The following PFKFB3 variants were observed in gnomAD, a reference collection of about 807,000 sequenced individuals.
PFKFB3 encodes the protein 6-phosphofructo-2-kinase/fructose-2,6-biphosphatase 3.
PFKFB3 carries 33 observed loss-of-function variants against 68.0 expected under a neutral mutation model. That is an observed-to-expected ratio of 0.49 (90% CI 0.37 to 0.65). The LOEUF (loss-of-function observed/expected upper bound fraction) is 0.65. PFKFB3 is among the 30% of genes least tolerant of loss of function. PFKFB3 has a pLI of 0.00. For missense variants in PFKFB3, 586 were observed against 712.2 expected, an observed-to-expected ratio of 0.82 and a Z score of 2.02; for synonymous variants, 315 against 288.2, an observed-to-expected ratio of 1.09 and a Z score of -0.94.
the PFKFB3 span, among the ~76,000 whole-genome samples, chr10:6,315,669 A>G: frequency 0.12 from 18,476 of 152,176 alleles, 1,236 homozygotes; most frequent in East Asian, 0.19. Context: ...TATTTTAAGT[A>G]GAGACAGAGT....
intron 14 of PFKFB3, among the ~76,000 whole-genome samples, chr10:6,249,453 C>A (rs1199636563): frequency 6.6e-6 from 1 of 151,980 alleles, no homozygotes; most frequent in Non-Finnish European, 1.5e-5. Context: ...AAGTGTTCAG[C>A]AACATATGAA....
At position 6,228,163 on chromosome 10, in the gene PFKFB3, T is replaced by C. The variant is rs780415300; in HGVS notation, c.1515+1798T>C. On this transcript the variant is annotated intron_variant, in intron 14 of 14. Transcript: ENST00000379775. The surrounding 1 kb of genome is among the most constrained non-coding windows in gnomAD (Gnocchi z 4.5). ...TCCCTGCAGATTGCGCCCTGCCTCCTGACTGACTTCTCTCTCTGCTTCTCC... is the reference window on the plus strand; with the variant it reads ...TCCCTGCAGATTGCGCCCTGCCTCCCGACTGACTTCTCTCTCTGCTTCTCC... 3 of 1,612,690 alleles carry C rather than the reference T, an allele frequency of 1.9e-6. No individual in the cohort carries two copies. In the South Asian group the frequency reaches 3.3e-5, roughly 18 times the overall value.
the PFKFB3 span, among the ~76,000 whole-genome samples, chr10:6,291,892 A>G: frequency 6.6e-6 from 1 of 151,170 alleles, no homozygotes; most frequent in Non-Finnish European, 1.5e-5. Flanking sequence ...AATCATCACC[A>G]TCTCTTACAA....
chr10:6,325,272 A>G, the PFKFB3 span, among the ~76,000 whole-genome samples: 2 of 152,212 alleles, frequency 1.3e-5, no homozygotes, highest in Non-Finnish European at 1.5e-5. Context: ...CCTGGCATAC[A>G]ATTTTTAAAA....
At chr10:6,281,182 T>TATATATATATATATATATAC in the PFKFB3 span, among the ~76,000 whole-genome samples, 5 of 133,688 alleles carry the variant, frequency 3.7e-5, no homozygotes, top group Admixed American at 1.5e-4. Context: ...TATATATATA[T>TATATATATATATATATATAC]ACACCACAGT....
the PFKFB3 span, among the ~76,000 whole-genome samples, chr10:6,318,285 T>C: frequency 6.6e-6 from 1 of 152,214 alleles, no homozygotes; most frequent in Non-Finnish European, 1.5e-5. Context: ...TCACTGTAAC[T>C]GGCTCCTCCG....
At chr10:6,171,307 A>G (rs145415015) in intron 1 of PFKFB3, among the ~76,000 whole-genome samples, 1,646 of 152,178 alleles carry the variant, frequency 0.011, 66 homozygotes, top group East Asian at 0.1. Flanking sequence ...CACCCGCCTC[A>G]GCCTCCCAAA....
In PFKFB3 at chr10:6,203,247, G is replaced by T; in HGVS notation, c.-14G>T. On this transcript the variant is annotated 5_prime_UTR_variant, in exon 1 of 15. Transcript: ENST00000379775. ...TCGGCCCCGGGAGGCGGGCCGTCGG[G>T]CGCAGCCGCGAAGATGCCGTTGGAA... is the stretch of plus-strand genomic sequence containing the variant. 1 of 1,606,144 alleles carries T rather than the reference G, an allele frequency of 6.2e-7. No homozygotes were observed. The highest frequency in any genetic ancestry group is 8.5e-7 in the Non-Finnish European group (1 of 1,177,118).
In PFKFB3 at chr10:6,235,159, C is replaced by T. The variant is rs1260123191; in HGVS notation, c.*2217C>T. On this transcript the variant is annotated 3_prime_UTR_variant, in exon 15 of 15. Transcript: ENST00000379775. ...TGTTTTTGGGTGAGTTTCCCCCCTC[C>T]TTATTCTGTCCTGAGACCACGGGCA... 2.0e-5 allele frequency: 3 copies of T among 152,738 alleles called. No individual in the cohort carries two copies. The Admixed American group carries it at 2.0e-4, about 10-fold the overall frequency. 9.5% of individuals were successfully genotyped at this position (152,738 alleles called of 1,614,324 possible).
At chr10:6,265,338 C>G in the PFKFB3 span, among the ~76,000 whole-genome samples, 1 of 152,136 alleles carries the variant, frequency 6.6e-6, no homozygotes, top group Non-Finnish European at 1.5e-5. Context: ...GCCTCAACCT[C>G]CCAAAGTGCT....
At chr10:6,219,529 T>A in intron 6 of PFKFB3, 40 bp from the exon 7 acceptor site, 1 of 1,613,166 alleles carries the variant, frequency 6.2e-7, no homozygotes, top group Non-Finnish European at 8.5e-7. Context: ...CAGAAAGCCT[T>A]CCAGCGTGAT....
intron 14 of PFKFB3, among the ~76,000 whole-genome samples, chr10:6,252,611 T>C (rs1207677373): frequency 6.6e-6 from 1 of 152,238 alleles, no homozygotes; most frequent in Non-Finnish European, 1.5e-5. Flanking sequence ...ATATCTGATA[T>C]AGCTTAAATG....
intron 1 of PFKFB3, among the ~76,000 whole-genome samples, chr10:6,155,673 C>A (rs1184954889): frequency 6.6e-6 from 1 of 152,068 alleles, no homozygotes; most frequent in Admixed American, 6.6e-5. Flanking sequence ...ACCTGCTGAC[C>A]GGGTTCACTT....
intron 1 of PFKFB3, among the ~76,000 whole-genome samples, chr10:6,184,525 C>T (rs1050367172): frequency 6.6e-6 from 1 of 152,108 alleles, no homozygotes; most frequent in African/African-American, 2.4e-5. Flanking sequence ...GGCTGGAGTG[C>T]AATGGTGTGA....
At chr10:6,258,535 T>A (rs1846511609), downstream of PFKFB3, among the ~76,000 whole-genome samples, 1 of 152,148 alleles carries the variant, frequency 6.6e-6, no homozygotes, top group African/African-American at 2.4e-5. Flanking sequence ...CACTCTGAAG[T>A]CTGCAATTAA....
upstream of PFKFB3, among the ~76,000 whole-genome samples, chr10:6,200,650 T>C (rs1181536219): frequency 3.4e-5 from 1 of 29,772 alleles, no homozygotes; most frequent in African/African-American, 1.8e-4. Context: ...TGCACTTAGA[T>C]GTAAGGAGCG....
intron 10 of PFKFB3, 36 bp downstream of exon 10, chr10:6,221,781 C>A: frequency 1.5e-6 from 2 of 1,369,298 alleles, no homozygotes; most frequent in Non-Finnish European, 2.0e-6. Context: ...CGGTCCCCAG[C>A]ACACATGACC....
chr10:6,207,347 G>T (rs554049610), intron 1 of PFKFB3, among the ~76,000 whole-genome samples: 2 of 152,384 alleles, frequency 1.3e-5, no homozygotes, highest in South Asian at 4.1e-4. Context: ...TGAGGCAGGA[G>T]AATCAGGCAG....
At chr10:6,230,182 C>T (rs1008088532) in intron 14 of PFKFB3, among the ~76,000 whole-genome samples, 5 of 152,162 alleles carry the variant, frequency 3.3e-5, no homozygotes, top group Admixed American at 6.5e-5. Flanking sequence ...AAAATACATC[C>T]GATGGACCCA....
Sources: gnomAD v4.1 joint callset for allele counts (sites outside exome capture counted in the v4.1 genomes callset) on GRCh38, gnomAD v4.1.1 for gene constraint, Gnocchi (gnomAD v3.1) non-coding constraint, MANE v1.5 for transcripts, NCBI Gene and HGNC (gene_info 2026-07-23, HGNC 2026-07-21) for gene names.